The following CSMD1 variants were observed in gnomAD, a reference collection of about 807,000 sequenced individuals.
CSMD1 encodes CUB and Sushi multiple domains 1, also known as CUB and sushi domain-containing protein 1.
In CSMD1, 213 loss-of-function variants were observed where a neutral mutation model predicts 417.5. The ratio of observed to expected loss-of-function variants is 0.51; its 90% CI spans 0.46 to 0.57. The LOEUF is 0.57. CSMD1 is among the 20% of genes least tolerant of loss of function. The pLI, the probability that CSMD1 is intolerant of heterozygous loss-of-function variation, is 0.00. For missense variants in CSMD1, 6,923 were observed against 4,529.7 expected (o/e 1.53, Z -15.17); for synonymous variants, 2,862 against 1,736.8 (o/e 1.65, Z -16.11).
intron 6 of CSMD1, among the ~76,000 whole-genome samples, chr8:3,734,397 G>C (rs917324151): frequency 2.0e-5 from 3 of 152,156 alleles, no homozygotes; most frequent in South Asian, 2.1e-4. Flanking sequence ...GGAAGCATTG[G>C]GAACACTGCT....
intron 3 of CSMD1, among the ~76,000 whole-genome samples, chr8:4,035,006 C>A (rs576518239): frequency 6.6e-6 from 1 of 152,158 alleles, no homozygotes; most frequent in South Asian, 2.1e-4. Context: ...GTTAAAAGGG[C>A]CTGAAATTAT....
intron 2 of CSMD1, among the ~76,000 whole-genome samples, chr8:4,423,102 T>G (rs1359017900): frequency 6.6e-6 from 1 of 152,078 alleles, no homozygotes; most frequent in East Asian, 1.9e-4. Flanking sequence ...TGCTTAGTGG[T>G]TGAAGACTGA....
chr8:3,337,986 A>C (rs543578123), intron 23 of CSMD1, among the ~76,000 whole-genome samples: 3 of 152,276 alleles, frequency 2.0e-5, no homozygotes, highest in African/African-American at 7.2e-5. Context: ...TGAACAGTAG[A>C]CACTTCTCTA....
At chr8:3,535,779 T>G (rs74526918) in intron 10 of CSMD1, among the ~76,000 whole-genome samples, 1 of 152,174 alleles carries the variant, frequency 6.6e-6, no homozygotes, top group African/African-American at 2.4e-5. Context: ...CCTTCCCACA[T>G]GCTTTGAAAA....
At chr8:3,710,783 T>C (rs1420287952) in intron 6 of CSMD1, among the ~76,000 whole-genome samples, 2 of 152,162 alleles carry the variant, frequency 1.3e-5, no homozygotes, top group African/African-American at 4.8e-5. Flanking sequence ...CGCCAGCTCA[T>C]ATCAGGAAGC....
rs533031014 is a variant in CSMD1, at chr8:3,340,692, T to C, written c.3631+2602A>G. Among the ~76,000 whole-genome samples, 61 of 152,326 alleles carry C rather than the reference T, an allele frequency of 4.0e-4. No homozygotes were observed. In the South Asian group the frequency reaches 0.013, roughly 32 times the overall value. On this transcript the variant is annotated intron_variant, in intron 23 of 69. Transcript: ENST00000635120. ...TTGGGGAGCTGGGGATTTCTTCAGC[T>C]TATTTACTTATATTTACAACTAACA...
chr8:4,734,433 A>T (rs1810095100), intron 1 of CSMD1, among the ~76,000 whole-genome samples: 1 of 152,116 alleles, frequency 6.6e-6, no homozygotes, highest in African/African-American at 2.4e-5. Flanking sequence ...AAAAAAGGTG[A>T]AAAGTTGAAT....
intron 3 of CSMD1, among the ~76,000 whole-genome samples, chr8:4,371,943 G>A (rs536393262): frequency 6.6e-6 from 1 of 152,300 alleles, no homozygotes; most frequent in Non-Finnish European, 1.5e-5. Flanking sequence ...ACGAAAAGTG[G>A]TAGCTCCGCT....
At chr8:3,365,978 G>C (rs1360629971) in intron 20 of CSMD1, among the ~76,000 whole-genome samples, 1 of 152,190 alleles carries the variant, frequency 6.6e-6, no homozygotes, top group Non-Finnish European at 1.5e-5. Flanking sequence ...TGGGAGATAA[G>C]ATAAATACTC....
chr8:3,528,715 T>A (rs1012796330), intron 10 of CSMD1, among the ~76,000 whole-genome samples: 4 of 152,210 alleles, frequency 2.6e-5, no homozygotes, highest in African/African-American at 9.6e-5. Flanking sequence ...ATGGAAAAGC[T>A]TGAGGGATTG....
At chr8:4,554,327 G>C (rs889576844) in intron 2 of CSMD1, among the ~76,000 whole-genome samples, 1 of 152,044 alleles carries the variant, frequency 6.6e-6, no homozygotes, top group Non-Finnish European at 1.5e-5. Flanking sequence ...AGTAGAGACA[G>C]GGTTTCACCA....
intron 8 of CSMD1, among the ~76,000 whole-genome samples, chr8:3,587,782 TGAA>T (rs1348756616): frequency 6.6e-6 from 1 of 152,148 alleles, no homozygotes; most frequent in African/African-American, 2.4e-5. Context: ...TAGAAAATAA[TGAA>T]GAGAATTCAA....
Position 4,147,811 on chromosome 8 carries a change from G to A in CSMD1, c.416-115712C>T, listed in dbSNP as rs184473624. On this transcript the variant is annotated intron_variant, in intron 3 of 69. Transcript: ENST00000635120. Reference sequence around the variant, plus strand: ...GACCCAATGTGCCGACTCCAAAGCCGGGCAGGAAGACACATCATCAGAAAG... The same window carrying A: ...GACCCAATGTGCCGACTCCAAAGCCAGGCAGGAAGACACATCATCAGAAAG... 8.5e-5 allele frequency among the ~76,000 whole-genome samples: 13 copies of A among 152,142 alleles called. No individual in the cohort carries two copies. The East Asian group carries it at 1.8e-3, about 20-fold the overall frequency.
intron 1 of CSMD1, among the ~76,000 whole-genome samples, chr8:4,764,904 C>CAACAA (rs1554473698): frequency 2.1e-4 from 26 of 122,674 alleles, no homozygotes; most frequent in Non-Finnish European, 2.9e-4. Flanking sequence ...ACAACAACAA[C>CAACAA]AAAAAAAAAC....
chr8:4,723,670 TACC>T (rs1417682156), intron 1 of CSMD1, among the ~76,000 whole-genome samples: 2 of 151,982 alleles, frequency 1.3e-5, no homozygotes, highest in East Asian at 3.9e-4. Flanking sequence ...TCTCAGTTTT[TACC>T]ACATTTTTGT....
At chr8:4,231,644 C>G (rs1801740864) in intron 3 of CSMD1, among the ~76,000 whole-genome samples, 1 of 152,198 alleles carries the variant, frequency 6.6e-6, no homozygotes, top group East Asian at 1.9e-4. Flanking sequence ...ACTGCAGGCT[C>G]TGTCTGATAA....
At chr8:4,052,026 T>C (rs765418851) in intron 3 of CSMD1, among the ~76,000 whole-genome samples, 5 of 151,978 alleles carry the variant, frequency 3.3e-5, no homozygotes, top group Non-Finnish European at 5.9e-5. Flanking sequence ...CCCTGTCATA[T>C]ACAGGTTCAA....
At chr8:4,868,515 C>T (rs1802548439) in intron 1 of CSMD1, among the ~76,000 whole-genome samples, 2 of 151,832 alleles carry the variant, frequency 1.3e-5, no homozygotes, top group African/African-American at 2.4e-5. Context: ...AAATGACAGT[C>T]GTATTATTTT....
intron 51 of CSMD1, among the ~76,000 whole-genome samples, chr8:3,023,671 G>T (rs1291319365): frequency 6.6e-6 from 1 of 152,002 alleles, no homozygotes; most frequent in African/African-American, 2.4e-5. Context: ...ATTTCTCAGC[G>T]GATTCCACAG....
Sources: gnomAD v4.1 joint callset for allele counts (sites outside exome capture counted in the v4.1 genomes callset) on GRCh38, gnomAD v4.1.1 for gene constraint, MANE v1.5 for transcripts, NCBI Gene and HGNC (gene_info 2026-07-23, HGNC 2026-07-21) for gene names.